Variants in ARHGEF19 observed in about 807,000 individuals in gnomAD.
The protein encoded by ARHGEF19 is Rho guanine nucleotide exchange factor (GEF) 19.
Under a neutral mutation model 87.6 loss-of-function variants are expected in ARHGEF19, and 92 were observed. The observed-to-expected ratio is 1.05, with a 90% CI of 0.89 to 1.25. The LOEUF is 1.25. Among genes scored for constraint, ARHGEF19 ranks in the 50% most tolerant of loss-of-function variants. ARHGEF19 has a pLI of 0.00. For synonymous variants in ARHGEF19, 438 were observed against 446.2 expected, an observed-to-expected ratio of 0.98 and a Z score of 0.23; for missense variants, 1,054 against 1,051.8, an observed-to-expected ratio of 1.00 and a Z score of -0.03.
chr1:16,206,148 C>T lies in ARHGEF19; in HGVS notation c.1298+32G>A. ...AGCTGGCCAACCACTGGCTCCGTCC[C>T]CACCCCGGGCCAGGCCAGACCACTT... On this transcript the variant is annotated intron_variant, in intron 7 of 15. Transcript: ENST00000270747. This position sits in a 1 kb window ranked among gnomAD's most constrained non-coding sequence, Gnocchi z 4.6. 6.3e-7 allele frequency: 1 copy of T among 1,585,146 alleles called. No homozygotes were observed.
At chr1:16,211,919 C>T (rs1442274921) in intron 1 of ARHGEF19, among the ~76,000 whole-genome samples, 3 of 152,200 alleles carry the variant, frequency 2.0e-5, no homozygotes, top group Non-Finnish European at 2.9e-5. Context: ...GAATAACCTC[C>T]GCCCAAGCTT....
At chr1:16,209,428 A>G (rs1452098370) in intron 1 of ARHGEF19, among the ~76,000 whole-genome samples, 1 of 152,178 alleles carries the variant, frequency 6.6e-6, no homozygotes, top group Non-Finnish European at 1.5e-5. Context: ...TTTGAAATCG[A>G]TGATTTTAAC....
rs34127909 is a variant in ARHGEF19, at chr1:16,200,743, C to CAA, written c.2146+1037_2146+1038dup. 9.0e-4 allele frequency among the ~76,000 whole-genome samples: 128 copies of CAA among 142,756 alleles called. 1 individual carries two copies. Among genetic ancestry groups the CAA allele is most frequent in the African/African-American group, 3.0e-3 (114 of 38,554 alleles). 93.7% of individuals were successfully genotyped at this position (142,756 alleles called of 152,430 possible). A position where few individuals can be genotyped will look rare whatever the true frequency, so the allele number is the denominator to read the frequency against. Reference sequence around the variant, plus strand: ...TGGATGGCAGGGTGAGACTCTGTCTCAAAAAAAAAAAGCCAGGCGTGGTGG... The same window carrying CAA: ...TGGATGGCAGGGTGAGACTCTGTCTCAAAAAAAAAAAAAGCCAGGCGTGGTGG... On this transcript the variant is annotated intron_variant, in intron 14 of 15. Transcript: ENST00000270747.
At chr1:16,208,527 T>G (rs2081166824) in intron 2 of ARHGEF19, 116 bp downstream of exon 2, 2 of 1,347,822 alleles carry the variant, frequency 1.5e-6, no homozygotes, top group Non-Finnish European at 2.0e-6. Context: ...ATCACTAATC[T>G]ACCACTTGTC....
At chr1:16,209,917 A>T (rs943943952) in intron 1 of ARHGEF19, among the ~76,000 whole-genome samples, 6 of 152,220 alleles carry the variant, frequency 3.9e-5, no homozygotes, top group African/African-American at 1.4e-4. Context: ...TCGAAGTTCA[A>T]AGAGGTGCCC....
At chr1:16,209,112 CAG>C (rs1422957076) in intron 1 of ARHGEF19, 29 bp from the exon 2 acceptor site, 2 of 1,394,516 alleles carry the variant, frequency 1.4e-6, no homozygotes, top group Non-Finnish European at 1.9e-6. Flanking sequence ...CAGACCTAGA[CAG>C]AGGACAGTGG....
rs146561954 is a variant in ARHGEF19, at chr1:16,198,915, T to C, written c.2252-171A>G. Among the ~76,000 whole-genome samples the C allele has an allele frequency of 5.2e-4, 79 of 152,294 alleles. No homozygotes were observed. The highest frequency in any genetic ancestry group is 1.9e-3 in the African/African-American group (79 of 41,538). Reference sequence around the variant, plus strand: ...ACCCTGTCTTGAGCTGTCTTGCAGATGAACTTCTGACCTGTTTTTCCTGAT... The same window carrying C: ...ACCCTGTCTTGAGCTGTCTTGCAGACGAACTTCTGACCTGTTTTTCCTGAT... On this transcript the variant is annotated intron_variant, in intron 15 of 15. Transcript: ENST00000270747. The surrounding 1 kb of genome is among the most constrained non-coding windows in gnomAD (Gnocchi z 4.1).
chr1:16,208,388 G>A (rs2081165883), intron 2 of ARHGEF19, among the ~76,000 whole-genome samples, 163 bp from the exon 3 acceptor site: 1 of 152,184 alleles, frequency 6.6e-6, no homozygotes, highest in South Asian at 2.1e-4. Flanking sequence ...TGGGGTCCAC[G>A]AGAGGGGTAA....
Position 16,198,532 on chromosome 1 carries a change from C to A in ARHGEF19, c.*55G>T. Reference sequence around the variant, plus strand: ...GGGAATGGAGACACTGCAGGCCCCTCCAGGACCATCCAGGAGCCAGGCATG... The same window carrying A: ...GGGAATGGAGACACTGCAGGCCCCTACAGGACCATCCAGGAGCCAGGCATG... On this transcript the variant is annotated 3_prime_UTR_variant, in exon 16 of 16. Transcript: ENST00000270747. The surrounding 1 kb of genome is among the most constrained non-coding windows in gnomAD (Gnocchi z 4.1). 4 of 1,548,146 alleles carry A rather than the reference C, an allele frequency of 2.6e-6. No individual in the cohort carries two copies. Among genetic ancestry groups the A allele is most frequent in the Non-Finnish European group, 3.5e-6 (4 of 1,145,758 alleles).
rs552095107 is a variant in ARHGEF19 at position 16,206,580 on chromosome 1, A to G, written c.1138-240T>C. Reference sequence around the variant, plus strand: ...CCCCGCCCCGACGCGTTCTTCCCAGAGCCCCGCCCACCCCCCAGGTCCCGC... The same window carrying G: ...CCCCGCCCCGACGCGTTCTTCCCAGGGCCCCGCCCACCCCCCAGGTCCCGC... On this transcript the variant is annotated intron_variant, in intron 6 of 15. Transcript: ENST00000270747. The surrounding 1 kb of genome is among the most constrained non-coding windows in gnomAD (Gnocchi z 4.6). The G allele has an allele frequency of 4.5e-4, 217 of 480,484 alleles. No individual in the cohort carries two copies. The African/African-American group carries it at 4.6e-3, about 10-fold the overall frequency. 29.8% of individuals were successfully genotyped at this position (480,484 alleles called of 1,614,324 possible). A position where few individuals can be genotyped will look rare whatever the true frequency, so the allele number is the denominator to read the frequency against.
chr1:16,200,462 G>T (rs1049121841), intron 14 of ARHGEF19, among the ~76,000 whole-genome samples: 1 of 152,328 alleles, frequency 6.6e-6, no homozygotes, highest in Non-Finnish European at 1.5e-5. Flanking sequence ...CTCCATTAAG[G>T]CTGGGTGCAG....
At chr1:16,202,000 C>A in intron 13 of ARHGEF19, 139 bp from the exon 14 acceptor site, 1 of 843,104 alleles carries the variant, frequency 1.2e-6, no homozygotes, top group Non-Finnish European at 1.8e-6. Context: ...CATGTCTGCC[C>A]CACCCCAGGG....
Position 16,212,556 on chromosome 1 carries a change from C to T in ARHGEF19, c.-84G>A, listed in dbSNP as rs1021916170. 1 of 152,542 alleles carries T rather than the reference C, an allele frequency of 6.6e-6. No individual in the cohort carries two copies. Among genetic ancestry groups the T allele is most frequent in the African/African-American group, 2.4e-5 (1 of 41,456 alleles). The allele number at this position is 152,542 out of a possible 1,614,324, so 9.4% of individuals were successfully genotyped here. A position where few individuals can be genotyped will look rare whatever the true frequency, so the allele number is the denominator to read the frequency against. On this transcript the variant is annotated 5_prime_UTR_variant, in exon 1 of 16. Coordinates refer to ENST00000270747, the MANE Select transcript of ARHGEF19 (RefSeq NM_153213.5). ...GCACGGTCCAGGGCTCCGGGACACCCTGGGGGCTCTGGGGTTGCAGCCAAG... is the reference window on the plus strand; with the variant it reads ...GCACGGTCCAGGGCTCCGGGACACCTTGGGGGCTCTGGGGTTGCAGCCAAG...
At chr1:16,204,513 AAGCTCAC>A (rs1292486257) in intron 12 of ARHGEF19, among the ~76,000 whole-genome samples, 1 of 152,190 alleles carries the variant, frequency 6.6e-6, no homozygotes, top group African/African-American at 2.4e-5. Context: ...TTACTGGCTG[AAGCTCAC>A]AGCATCTCCA....
Position 16,207,129 on chromosome 1 carries a change from T to A in ARHGEF19, c.956A>T (p.Asp319Val). 1 of 1,521,438 alleles carries A rather than the reference T, an allele frequency of 6.6e-7. No homozygotes were observed. Among genetic ancestry groups the A allele is most frequent in the Non-Finnish European group, 8.8e-7 (1 of 1,138,514 alleles). 94.2% of individuals were successfully genotyped at this position (1,521,438 alleles called of 1,614,324 possible). ...RQQREEEGPG[D>V]EAEGAEEGPG... The stretch of plus-strand genomic sequence containing the variant: ...CCCCTCCTCTGCGCCCTCGGCCTCG[T>A]CCCCCGGGCCCTCCTCCTCGCGCTG... The change falls in exon 6 of 16, where the codon GAC becomes GTC. Residue 319 changes from aspartate to valine, a missense_variant. Coordinates refer to ENST00000270747, the MANE Select transcript of ARHGEF19 (RefSeq NM_153213.5). This position sits in a 1 kb window ranked among gnomAD's most constrained non-coding sequence, Gnocchi z 4.0.
rs566684799 is a variant in ARHGEF19, at chr1:16,202,873, G to T, written c.1908-299C>A. On this transcript the variant is annotated intron_variant, in intron 12 of 15. Coordinates refer to ENST00000270747, the MANE Select transcript of ARHGEF19 (RefSeq NM_153213.5). Reference sequence around the variant, plus strand: ...TGTTTTTTTATTTGTTAGTTTTTTGGCTTTTTGTTTTGTTTTGTTTTAAGA... The same window carrying T: ...TGTTTTTTTATTTGTTAGTTTTTTGTCTTTTTGTTTTGTTTTGTTTTAAGA... Among the ~76,000 whole-genome samples the T allele has an allele frequency of 2.2e-4, 33 of 150,404 alleles. 1 individual carries two copies. In the East Asian group the frequency reaches 5.6e-3, roughly 26 times the overall value.
chr1:16,207,882 C>CGGGCG lies in ARHGEF19; in HGVS notation c.694+61_694+62insCGCCC. ...CCTCAGGCGGCCGGTGAGTGGGCAT[C>CGGGCG]GCCCACCCCCACCCCCACCCGGCAT... On this transcript the variant is annotated intron_variant, in intron 3 of 15. Coordinates refer to ENST00000270747, the MANE Select transcript of ARHGEF19 (RefSeq NM_153213.5). This position sits in a 1 kb window ranked among gnomAD's most constrained non-coding sequence, Gnocchi z 4.0. 6.8e-7 allele frequency: 1 copy of CGGGCG among 1,478,780 alleles called. No homozygotes were observed. Among genetic ancestry groups the CGGGCG allele is most frequent in the South Asian group, 1.2e-5 (1 of 86,672 alleles). The allele number at this position is 1,478,780 out of a possible 1,614,324, so 91.6% of individuals were successfully genotyped here. A position where few individuals can be genotyped will look rare whatever the true frequency, so the allele number is the denominator to read the frequency against.
In ARHGEF19 at chr1:16,208,967, C is replaced by T; in HGVS notation, c.88G>A (p.Glu30Lys). 2 of 1,555,002 alleles carry T rather than the reference C, an allele frequency of 1.3e-6. No homozygotes were observed. Among genetic ancestry groups the T allele is most frequent in the African/African-American group, 1.4e-5 (1 of 72,484 alleles). Residue 30 changes from glutamate (E) to lysine (K), a missense_variant, in exon 2 of 16, where the codon GAG becomes AAG. Coordinates refer to ENST00000270747, the MANE Select transcript of ARHGEF19 (RefSeq NM_153213.5). Reference protein sequence around the residue: ...AHHPVAVCQQESLSFAELPAL... With the variant: ...AHHPVAVCQQKSLSFAELPAL... ...GGCAGCTCTGCAAAGGACAGACTCT[C>T]CTGCTGGCACACTGCTACAGGGTGG... is the stretch of plus-strand genomic sequence containing the variant.
In ARHGEF19 at chr1:16,202,483, C is replaced by T. The variant is rs746745880; in HGVS notation, c.1999G>A (p.Val667Met). 26 of 1,614,042 alleles carry T rather than the reference C, an allele frequency of 1.6e-5. No homozygotes were observed. In the Middle Eastern group the frequency reaches 4.9e-4, roughly 31 times the overall value. The change falls in exon 13 of 16, where the codon GTG (valine) becomes ATG (methionine). Residue 667 changes from valine to methionine, a missense_variant. By Grantham distance (21) the Val-to-Met change is conservative. Coordinates refer to ENST00000270747, the MANE Select transcript of ARHGEF19 (RefSeq NM_153213.5). Reference sequence around the variant, plus strand: ...CCGTGGAGGAGCTGGAGGAGGAACACGTGGCCGGGGATGCCCTGCAGCTTC... The same window carrying T: ...CCGTGGAGGAGCTGGAGGAGGAACATGTGGCCGGGGATGCCCTGCAGCTTC... ...SLKLQGIPGH[V>M]FLLQLLHGQH...
Sources: gnomAD v4.1 joint callset for allele counts (sites outside exome capture counted in the v4.1 genomes callset) on GRCh38, gnomAD v4.1.1 for gene constraint, Gnocchi (gnomAD v3.1) non-coding constraint, MANE v1.5 for transcripts, NCBI Gene and HGNC (gene_info 2026-07-23, HGNC 2026-07-21) for gene names.